Variants in ATP2B1 observed in about 807,000 individuals in gnomAD.
ATP2B1 encodes plasma membrane calcium-transporting ATPase 1.
ATP2B1 carries 14 observed loss-of-function variants against 124.2 expected under a neutral mutation model. The observed-to-expected ratio is 0.11, with a 90% CI of 0.07 to 0.18. ATP2B1 has a LOEUF of 0.18. Among genes scored for constraint, ATP2B1 ranks in the 10% least tolerant of loss-of-function variants. ATP2B1 has a pLI of 1.00. For synonymous variants in ATP2B1, 449 were observed against 492.4 expected (o/e 0.91, Z 1.17); for missense variants, 763 against 1,466.1 (o/e 0.52, Z 7.83).
At chr12:89,599,077 G>A (rs773111312) in intron 20 of ATP2B1, 40 bp downstream of exon 20, 12 of 1,592,128 alleles carry the variant, frequency 7.5e-6, no homozygotes, top group Non-Finnish European at 6.0e-6. Context: ...AAAAAGCCCT[G>A]GCTCCCATCA....
chr12:89,679,303 T>C (rs1383056134), intron 1 of ATP2B1, among the ~76,000 whole-genome samples: 1 of 152,180 alleles, frequency 6.6e-6, no homozygotes, highest in African/African-American at 2.4e-5. Flanking sequence ...ATTTAATATC[T>C]GACCCTTTAC....
chr12:89,611,130 G>A lies in ATP2B1; in HGVS notation c.2247+63C>T. The A allele has an allele frequency of 2.1e-6, 3 of 1,421,876 alleles. No homozygotes were observed. The South Asian group carries it at 4.2e-5, about 20-fold the overall frequency. The allele number at this position is 1,421,876 out of a possible 1,614,324, so 88.1% of individuals were successfully genotyped here. A position where few individuals can be genotyped will look rare whatever the true frequency, so the allele number is the denominator to read the frequency against. Reference sequence around the variant, plus strand: ...AGTGCATATTCAATATGTGTTTGTTGAGTTAAATTCCTAATATATTAAACA... The same window carrying A: ...AGTGCATATTCAATATGTGTTTGTTAAGTTAAATTCCTAATATATTAAACA... On this transcript the variant is annotated intron_variant, in intron 13 of 20. Transcript: ENST00000428670.
chr12:89,624,475 C>G, intron 8 of ATP2B1, 78 bp from the exon 9 acceptor site: 2 of 1,172,752 alleles, frequency 1.7e-6, no homozygotes, highest in Non-Finnish European at 1.2e-6. Context: ...AAATTAAACA[C>G]TGTAAAGAGT....
At chr12:89,681,538 G>A (rs1037282554) in intron 1 of ATP2B1, among the ~76,000 whole-genome samples, 7 of 151,914 alleles carry the variant, frequency 4.6e-5, no homozygotes, top group African/African-American at 9.7e-5. Flanking sequence ...GTACCACCAC[G>A]CCCAGCTAAT....
At chr12:89,658,845 T>C (rs1886330993) in intron 1 of ATP2B1, among the ~76,000 whole-genome samples, 1 of 152,128 alleles carries the variant, frequency 6.6e-6, no homozygotes, top group Non-Finnish European at 1.5e-5. Context: ...TCCCTCACTG[T>C]TTAAAGAAAT....
At chr12:89,672,019 A>C (rs1888057127) in intron 1 of ATP2B1, among the ~76,000 whole-genome samples, 1 of 152,204 alleles carries the variant, frequency 6.6e-6, no homozygotes, top group South Asian at 2.1e-4. Flanking sequence ...TATCATCATT[A>C]GCAATCTCTT....
In ATP2B1 at chr12:89,627,709, T is replaced by C; in HGVS notation, c.936A>G (p.Lys312=). Residue 312 remains lysine, a synonymous_variant, in exon 7 of 21, where the codon AAA becomes AAG. Transcript: ENST00000428670. ...DEKKKEKKNK[K]QDGAIENRNK... is the part of the protein sequence containing the mutation. Reference sequence around the variant, plus strand: ...TGCGATTCTCAATAGCTCCATCTTGTTTCTTATCTGTAGGAACAAAATGGG... The same window carrying C: ...TGCGATTCTCAATAGCTCCATCTTGCTTCTTATCTGTAGGAACAAAATGGG... The C allele has an allele frequency of 6.2e-7, 1 of 1,614,006 alleles. No homozygotes were observed. The highest frequency in any genetic ancestry group is 8.5e-7 in the Non-Finnish European group (1 of 1,179,954).
At chr12:89,674,435 A>AC (rs2136556053) in intron 1 of ATP2B1, among the ~76,000 whole-genome samples, 1 of 152,258 alleles carries the variant, frequency 6.6e-6, no homozygotes, top group African/African-American at 2.4e-5. Flanking sequence ...AGTATTAGAA[A>AC]CAAATTCTTT....
At position 89,619,992 on chromosome 12, in the gene ATP2B1, C is replaced by A; in HGVS notation, c.1829+7G>T. 1 of 1,612,954 alleles carries A rather than the reference C, an allele frequency of 6.2e-7. No individual in the cohort carries two copies. Among genetic ancestry groups the A allele is most frequent in the Non-Finnish European group, 8.5e-7 (1 of 1,179,212 alleles). On this transcript the variant is annotated splice_region_variant and intron_variant, in intron 11 of 20. Transcript: ENST00000428670. ...GCAATTTATTCATCCAAGCATTTTA[C>A]TCTTACTTTTTCAGAATTATCTCAG...
intron 1 of ATP2B1, among the ~76,000 whole-genome samples, chr12:89,688,278 T>C (rs767043148): frequency 6.6e-6 from 1 of 152,158 alleles, no homozygotes; most frequent in African/African-American, 2.4e-5. Flanking sequence ...TTACTGAGGA[T>C]AACTGAGTGA....
At chr12:89,676,961 T>C (rs1383871835) in intron 1 of ATP2B1, among the ~76,000 whole-genome samples, 1 of 152,056 alleles carries the variant, frequency 6.6e-6, no homozygotes, top group Non-Finnish European at 1.5e-5. Context: ...CTGTAGGAAC[T>C]TGTATGCATT....
chr12:89,676,923 A>T (rs1293261825), intron 1 of ATP2B1, among the ~76,000 whole-genome samples: 1 of 152,124 alleles, frequency 6.6e-6, no homozygotes, highest in Non-Finnish European at 1.5e-5. Flanking sequence ...CACGGTGGCA[A>T]ATCAAATTCT....
intron 2 of ATP2B1, among the ~76,000 whole-genome samples, chr12:89,643,065 T>TACACACACACACACACAC (rs145355576): frequency 0.017 from 2,370 of 143,594 alleles, 31 homozygotes; most frequent in Middle Eastern, 0.029. Flanking sequence ...TAAAGATACA[T>TACACACACACACACACAC]ACACACACAC....
At chr12:89,591,654 T>C (rs1031245395) in intron 20 of ATP2B1, among the ~76,000 whole-genome samples, 1 of 151,528 alleles carries the variant, frequency 6.6e-6, no homozygotes, top group Non-Finnish European at 1.5e-5. Flanking sequence ...ATTTTTTAAA[T>C]TAAAAAGAAT....
intron 1 of ATP2B1, among the ~76,000 whole-genome samples, chr12:89,686,519 T>C (rs1228102579): frequency 1.3e-5 from 2 of 152,150 alleles, no homozygotes; most frequent in Non-Finnish European, 2.9e-5. Flanking sequence ...TTACGCAACA[T>C]TATCATTAAA....
chr12:89,598,856 A>T, intron 20 of ATP2B1: 3 of 1,321,106 alleles, frequency 2.3e-6, no homozygotes, highest in Non-Finnish European at 3.1e-6. Context: ...TTTACACAGC[A>T]TATAGGCAAG....
intron 19 of ATP2B1, among the ~76,000 whole-genome samples, chr12:89,599,736 A>T (rs564476497): frequency 8.5e-4 from 130 of 152,282 alleles, no homozygotes; most frequent in Non-Finnish European, 1.5e-3. Context: ...TTTTAAAAAA[A>T]TCATTAAGGT....
intron 8 of ATP2B1, 81 bp downstream of exon 8, chr12:89,626,373 C>A (rs1592779837): frequency 7.0e-7 from 1 of 1,427,722 alleles, no homozygotes; most frequent in Non-Finnish European, 9.4e-7. Context: ...CAATTTCCAG[C>A]CTTAAGTGTG....
intron 1 of ATP2B1, among the ~76,000 whole-genome samples, chr12:89,662,634 A>G (rs1418508618): frequency 6.6e-6 from 1 of 152,212 alleles, no homozygotes; most frequent in Non-Finnish European, 1.5e-5. Context: ...CATATAAACA[A>G]GAGTAAATTC....
Sources: gnomAD v4.1 joint callset for allele counts (sites outside exome capture counted in the v4.1 genomes callset) on GRCh38, gnomAD v4.1.1 for gene constraint, MANE v1.5 for transcripts, NCBI Gene and HGNC (gene_info 2026-07-23, HGNC 2026-07-21) for gene names.